Variants in SAMTOR observed in about 807,000 individuals in gnomAD.
SAMTOR encodes S-adenosylmethionine sensor upstream of mTORC1, also known as UPF0532 protein C7orf60.
At chr7:112,902,777 T>C in the SAMTOR span, among the ~76,000 whole-genome samples, 1 of 152,168 alleles carries the variant, frequency 6.6e-6, no homozygotes. Context: ...GTCAATTTTA[T>C]TGTGGGTTTC....
chr7:112,851,214 G>C, the SAMTOR span, among the ~76,000 whole-genome samples: 1 of 151,966 alleles, frequency 6.6e-6, no homozygotes, highest in Non-Finnish European at 1.5e-5. Context: ...AATTCATATG[G>C]AACCCAAAAG....
At chr7:112,840,723 C>T in the SAMTOR span, among the ~76,000 whole-genome samples, 4 of 151,502 alleles carry the variant, frequency 2.6e-5, no homozygotes, top group Non-Finnish European at 4.4e-5. Flanking sequence ...TTCTATTTCC[C>T]GTAGAAATTT....
chr7:112,935,988 G>T, the SAMTOR span, among the ~76,000 whole-genome samples: 1 of 152,028 alleles, frequency 6.6e-6, no homozygotes, highest in South Asian at 2.1e-4. Flanking sequence ...AAATAATGAA[G>T]TCCCTGTTTG....
At chr7:112,906,410 A>C in the SAMTOR span, among the ~76,000 whole-genome samples, 2 of 152,164 alleles carry the variant, frequency 1.3e-5, no homozygotes, top group Admixed American at 6.5e-5. Flanking sequence ...TATAAACAGA[A>C]GGGAAGGGGA....
the SAMTOR span, among the ~76,000 whole-genome samples, chr7:112,921,373 C>T: frequency 4.0e-5 from 6 of 150,962 alleles, no homozygotes; most frequent in Admixed American, 4.0e-4. Flanking sequence ...ATAAATGGTG[C>T]TGGGAAAACT....
At chr7:112,937,243 C>T in the SAMTOR span, among the ~76,000 whole-genome samples, 1 of 152,162 alleles carries the variant, frequency 6.6e-6, no homozygotes, top group African/African-American at 2.4e-5. Context: ...TCCTTCTAGT[C>T]TAAAACTCCA....
chr7:112,902,423 AAAAAACAAAAAAAAACAAAAAAAAAC>A, the SAMTOR span, among the ~76,000 whole-genome samples: 32 of 104,588 alleles, frequency 3.1e-4, 1 homozygote, highest in African/African-American at 7.7e-4. Context: ...TCTCAAAAAA[AAAAAACAAAAAAAAACAAAAAAAAAC>A]AAAAAAAAAA....
chr7:112,933,467 A>C, the SAMTOR span, among the ~76,000 whole-genome samples: 1 of 152,228 alleles, frequency 6.6e-6, no homozygotes, highest in South Asian at 2.1e-4. Context: ...AGCTCCTTAC[A>C]CAGTGGTGCA....
At chr7:112,909,171 T>C in the SAMTOR span, among the ~76,000 whole-genome samples, 2 of 152,196 alleles carry the variant, frequency 1.3e-5, no homozygotes, top group African/African-American at 2.4e-5. Context: ...CCCCCCAGCC[T>C]ATCACTAGTG....
chr7:112,864,705 G>A, the SAMTOR span, among the ~76,000 whole-genome samples: 40 of 152,282 alleles, frequency 2.6e-4, no homozygotes, highest in African/African-American at 9.4e-4. Flanking sequence ...CACTGCTTTG[G>A]AGAACTGAGG....
chr7:112,936,340 C>T, the SAMTOR span, among the ~76,000 whole-genome samples: 6 of 152,314 alleles, frequency 3.9e-5, no homozygotes, highest in South Asian at 1.2e-3. Context: ...CTGGAACACA[C>T]CTTTATCTCC....
At chr7:112,821,678 G>T in the SAMTOR span, 1 of 1,430,954 alleles carries the variant, frequency 7.0e-7, no homozygotes, top group South Asian at 1.4e-5. Context: ...GTTCATGTTA[G>T]TATTTCCAAT....
chr7:112,883,711 G>C, the SAMTOR span, among the ~76,000 whole-genome samples: 1 of 152,168 alleles, frequency 6.6e-6, no homozygotes, highest in Non-Finnish European at 1.5e-5. Flanking sequence ...CATAGATTTT[G>C]GAAAGTATGA....
At chr7:112,867,827 C>T in the SAMTOR span, among the ~76,000 whole-genome samples, 1 of 152,306 alleles carries the variant, frequency 6.6e-6, no homozygotes, top group East Asian at 1.9e-4. Context: ...GAACAGGGGT[C>T]CCCAACCTCT....
At chr7:112,886,189 G>A in the SAMTOR span, among the ~76,000 whole-genome samples, 1 of 152,112 alleles carries the variant, frequency 6.6e-6, no homozygotes, top group Non-Finnish European at 1.5e-5. Context: ...TATGACATGT[G>A]GGGATTATGG....
At chr7:112,862,516 C>T in the SAMTOR span, among the ~76,000 whole-genome samples, 10 of 152,068 alleles carry the variant, frequency 6.6e-5, no homozygotes, top group South Asian at 2.1e-4. Context: ...GGCCTTGAGA[C>T]GTAGAAAATA....
the SAMTOR span, among the ~76,000 whole-genome samples, chr7:112,900,983 T>C: frequency 6.6e-6 from 1 of 152,238 alleles, no homozygotes; most frequent in African/African-American, 2.4e-5. Flanking sequence ...GGTATGGTGA[T>C]GACTTTTTAG....
At chr7:112,882,501 C>A in the SAMTOR span, among the ~76,000 whole-genome samples, 1 of 151,966 alleles carries the variant, frequency 6.6e-6, no homozygotes, top group Non-Finnish European at 1.5e-5. Context: ...TCATCCTGGC[C>A]AACATGGTGA....
chr7:112,929,619 A>G, the SAMTOR span, among the ~76,000 whole-genome samples: 3 of 152,104 alleles, frequency 2.0e-5, no homozygotes, highest in African/African-American at 7.2e-5. Context: ...TGTCAAAGAG[A>G]TATCTGCAAT....
Sources: gnomAD v4.1 joint callset for allele counts (sites outside exome capture counted in the v4.1 genomes callset) on GRCh38, gnomAD v4.1.1 for gene constraint, MANE v1.5 for transcripts, NCBI Gene and HGNC (gene_info 2026-07-23, HGNC 2026-07-21) for gene names.